PCDH11X: variants seen among roughly 807,000 people sequenced by gnomAD.
PCDH11X encodes protocadherin 11 X-linked.
Under a neutral mutation model 53.3 loss-of-function variants are expected in PCDH11X, and 18 were observed. The observed-to-expected ratio is 0.34, with a 90% CI of 0.23 to 0.50. The LOEUF (loss-of-function observed/expected upper bound fraction) is 0.50. Among genes scored for constraint, PCDH11X ranks in the 20% least tolerant of loss-of-function variants. The pLI, the probability that PCDH11X is intolerant of heterozygous loss-of-function variation, is 0.98. For missense variants in PCDH11X, 570 were observed against 1,032.4 expected (o/e 0.55, Z 6.14); for synonymous variants, 279 against 393.3 (o/e 0.71, Z 3.44).
At chrX:92,132,154 G>T (rs1284202002) in intron 6 of PCDH11X, among the ~76,000 whole-genome samples, 1 of 101,361 alleles carries the variant, frequency 9.9e-6, no homozygotes, top group Non-Finnish European at 2.0e-5. Flanking sequence ...GCGTGGTGGT[G>T]GGGGCCTGTA....
intron 6 of PCDH11X, among the ~76,000 whole-genome samples, chrX:91,885,241 A>G (rs1417742206): frequency 9.0e-6 from 1 of 110,560 alleles, no homozygotes; most frequent in East Asian, 2.8e-4. Context: ...AAATTAAAAT[A>G]CACACTTGTA....
chrX:92,472,995 T>C (rs1458432714), intron 10 of PCDH11X, among the ~76,000 whole-genome samples: 1 of 108,744 alleles, frequency 9.2e-6, no homozygotes, highest in Admixed American at 9.9e-5. Flanking sequence ...TGAAGTTGTT[T>C]AACAGCTTCA....
chrX:92,171,844 T>C (rs1236542745), intron 6 of PCDH11X, among the ~76,000 whole-genome samples: 2 of 111,370 alleles, frequency 1.8e-5, no homozygotes, highest in Non-Finnish European at 3.8e-5. Context: ...AGTATTCTGA[T>C]CTATGAACAT....
At chrX:92,612,200 T>A (rs977975563) in intron 10 of PCDH11X, among the ~76,000 whole-genome samples, 1 of 110,924 alleles carries the variant, frequency 9.0e-6, no homozygotes, top group African/African-American at 3.3e-5. Flanking sequence ...CTGGTACAAT[T>A]TGGCTCTGAA....
Position 92,129,474 on chromosome X carries a change from G to A in PCDH11X, c.3034-71901G>A, listed in dbSNP as rs7065177. On this transcript the variant is annotated intron_variant, in intron 6 of 10. Transcript: ENST00000682573. ...GGCCCCATAAACCAAACTGACATAA[G>A]ACTAACTAAAAACTGAAAAGCATAC... Among the ~76,000 whole-genome samples the A allele has an allele frequency of 3.7e-3, 413 of 111,702 alleles. 4 individuals are homozygous for A. Among genetic ancestry groups the A allele is most frequent in the African/African-American group, 0.013 (406 of 30,693 alleles).
chrX:92,236,511 C>A (rs2067174145), intron 7 of PCDH11X, among the ~76,000 whole-genome samples: 1 of 111,085 alleles, frequency 9.0e-6, no homozygotes, highest in Non-Finnish European at 1.9e-5. Flanking sequence ...TAAAATTTTA[C>A]CTTACTGCCT....
At chrX:91,869,080 G>A (rs1419530541) in intron 5 of PCDH11X, among the ~76,000 whole-genome samples, 1 of 110,975 alleles carries the variant, frequency 9.0e-6, no homozygotes, top group African/African-American at 3.3e-5. Flanking sequence ...AGTTAAAATT[G>A]TATTTAATTA....
In PCDH11X at chrX:92,339,515, G is replaced by T. The variant is rs182777463; in HGVS notation, c.3145-48220G>T. ...TGGATATACAGGAAGCATGATACTG[G>T]CATCTGCTCACCTTCTGGGGAGTCC... is the stretch of plus-strand genomic sequence containing the variant. On this transcript the variant is annotated intron_variant, in intron 8 of 10. Coordinates refer to ENST00000682573, the MANE Select transcript of PCDH11X (RefSeq NM_032968.5). 2.7e-4 allele frequency among the ~76,000 whole-genome samples: 30 copies of T among 111,281 alleles called. No individual in the cohort carries two copies. The East Asian group carries it at 6.8e-3, about 25-fold the overall frequency.
chrX:92,127,199 A>G (rs1305185304), intron 6 of PCDH11X, among the ~76,000 whole-genome samples: 1 of 110,125 alleles, frequency 9.1e-6, no homozygotes, highest in Non-Finnish European at 1.9e-5. Context: ...ATAGTTATTA[A>G]ATTATATGTT....
At chrX:91,876,486 C>T (rs1263244825) in intron 5 of PCDH11X, among the ~76,000 whole-genome samples, 1 of 111,104 alleles carries the variant, frequency 9.0e-6, no homozygotes, top group African/African-American at 3.3e-5. Flanking sequence ...TCTGAAGCCT[C>T]CTGTCCCCAG....
chrX:92,225,028 T>G (rs2066944284), intron 7 of PCDH11X, among the ~76,000 whole-genome samples: 1 of 111,559 alleles, frequency 9.0e-6, no homozygotes, highest in South Asian at 3.7e-4. Context: ...AGAAACATAT[T>G]GGGCTTCTGT....
chrX:92,183,926 C>A (rs1184067308), intron 6 of PCDH11X, among the ~76,000 whole-genome samples: 1 of 111,465 alleles, frequency 9.0e-6, no homozygotes, highest in Admixed American at 9.6e-5. Context: ...AAATTTCTAT[C>A]CCCCATCTTC....
intron 6 of PCDH11X, among the ~76,000 whole-genome samples, chrX:92,190,871 T>C (rs1255193065): frequency 9.0e-6 from 1 of 111,586 alleles, no homozygotes; most frequent in Non-Finnish European, 1.9e-5. Context: ...AACTTTTCAC[T>C]CAGTTTTTCA....
intron 7 of PCDH11X, among the ~76,000 whole-genome samples, chrX:92,216,534 A>G (rs759623363): frequency 9.3e-6 from 1 of 107,773 alleles, no homozygotes; most frequent in African/African-American, 3.4e-5. Flanking sequence ...CAAAGCCTCC[A>G]AGAAATATGA....
chrX:92,121,116 TA>T lies in PCDH11X; in HGVS notation c.3034-80257del, dbSNP rs1174144940. On this transcript the variant is annotated intron_variant, in intron 6 of 10. Coordinates refer to ENST00000682573, the MANE Select transcript of PCDH11X (RefSeq NM_032968.5). ...ATTTTAGTAGCATGATCATTCATTT[TA>T]ATCATAGCTTCTAAAATTTTTTTTG... Among the ~76,000 whole-genome samples, 10 of 111,148 alleles carry T rather than the reference TA, an allele frequency of 9.0e-5. No homozygotes were observed. In the East Asian group the frequency reaches 2.8e-3, roughly 32 times the overall value.
At chrX:92,104,329 A>G (rs1394006953) in intron 6 of PCDH11X, among the ~76,000 whole-genome samples, 2 of 110,197 alleles carry the variant, frequency 1.8e-5, no homozygotes, top group African/African-American at 3.3e-5. Flanking sequence ...AAGATTAGAA[A>G]GACTCAGCGA....
At chrX:92,257,977 G>A (rs1366272908) in intron 7 of PCDH11X, among the ~76,000 whole-genome samples, 1 of 112,463 alleles carries the variant, frequency 8.9e-6, no homozygotes, top group Non-Finnish European at 1.9e-5. Flanking sequence ...CACCCCTGGA[G>A]CAGGCTTCTT....
chrX:92,301,580 G>A (rs1261497504), intron 8 of PCDH11X, among the ~76,000 whole-genome samples: 3 of 110,980 alleles, frequency 2.7e-5, no homozygotes, highest in East Asian at 2.8e-4. Flanking sequence ...TGTCCGTGGC[G>A]AAAGTGAATC....
chrX:92,277,332 G>A lies in PCDH11X; in HGVS notation c.3144+14189G>A, dbSNP rs879034719. ...TTAGATCCTGTAGGATGGAAAAATTGAAAGTGCCGTTTTCTGGCTATTTGG... is the reference window on the plus strand; with the variant it reads ...TTAGATCCTGTAGGATGGAAAAATTAAAAGTGCCGTTTTCTGGCTATTTGG... On this transcript the variant is annotated intron_variant, in intron 8 of 10. Coordinates refer to ENST00000682573, the MANE Select transcript of PCDH11X (RefSeq NM_032968.5). 5.4e-5 allele frequency among the ~76,000 whole-genome samples: 6 copies of A among 111,515 alleles called. No homozygotes were observed. In the East Asian group the frequency reaches 1.1e-3, roughly 21 times the overall value.
Sources: gnomAD v4.1 joint callset for allele counts (sites outside exome capture counted in the v4.1 genomes callset) on GRCh38, gnomAD v4.1.1 for gene constraint, MANE v1.5 for transcripts, NCBI Gene and HGNC (gene_info 2026-07-23, HGNC 2026-07-21) for gene names.